SDK1: variants seen among roughly 807,000 people sequenced by gnomAD.
The protein encoded by SDK1 is protein sidekick-1.
SDK1 carries 157 observed loss-of-function variants against 245.5 expected under a neutral mutation model. The ratio of observed to expected loss-of-function variants is 0.64; its 90% CI spans 0.56 to 0.73. The LOEUF is 0.73. Ranked by LOEUF, SDK1 falls within the 30% of genes least tolerant of loss-of-function variation. SDK1 has a pLI of 0.00. For missense variants in SDK1, 3,583 were observed against 3,002.3 expected, an observed-to-expected ratio of 1.19 and a Z score of -4.52; for synonymous variants, 1,647 against 1,278.5, an observed-to-expected ratio of 1.29 and a Z score of -6.15.
At chr7:3,990,642 C>T (rs142618302) in intron 14 of SDK1, among the ~76,000 whole-genome samples, 5 of 152,312 alleles carry the variant, frequency 3.3e-5, no homozygotes, top group South Asian at 4.1e-4. Flanking sequence ...CAGGCGCTGT[C>T]GCCTCGGGCT....
intron 22 of SDK1, among the ~76,000 whole-genome samples, chr7:4,103,310 C>T (rs906251449): frequency 8.5e-5 from 13 of 152,172 alleles, no homozygotes; most frequent in Non-Finnish European, 1.6e-4. Context: ...CCCCACAGAG[C>T]TTTGATTTGT....
At chr7:3,855,529 A>G (rs1780523616) in intron 5 of SDK1, among the ~76,000 whole-genome samples, 2 of 152,210 alleles carry the variant, frequency 1.3e-5, no homozygotes, top group South Asian at 2.1e-4. Context: ...TTCTCCTAGG[A>G]TGTATCAACA....
intron 42 of SDK1, among the ~76,000 whole-genome samples, chr7:4,239,869 G>A (rs1187882519): frequency 1.3e-5 from 2 of 152,234 alleles, no homozygotes; most frequent in African/African-American, 2.4e-5. Context: ...AAGAGGAGCT[G>A]GCTACATTAG....
chr7:3,639,673 A>G (rs893643536), intron 3 of SDK1, among the ~76,000 whole-genome samples: 5 of 152,162 alleles, frequency 3.3e-5, no homozygotes, highest in Non-Finnish European at 7.3e-5. Flanking sequence ...TTAAATTTTC[A>G]TGTAGTCTTG....
chr7:3,443,153 T>A (rs1047258035), intron 1 of SDK1, among the ~76,000 whole-genome samples: 1 of 152,130 alleles, frequency 6.6e-6, no homozygotes, highest in African/African-American at 2.4e-5. Flanking sequence ...ATATTTTATG[T>A]TCTATATAGC....
chr7:4,263,477 C>T (rs555134581), intron 44 of SDK1, among the ~76,000 whole-genome samples: 41 of 140,802 alleles, frequency 2.9e-4, no homozygotes, highest in Middle Eastern at 4.5e-3. Flanking sequence ...TGAGGGAGTC[C>T]GCGTAGATCT....
At chr7:3,946,022 A>C (rs984129760) in intron 5 of SDK1, among the ~76,000 whole-genome samples, 1 of 151,474 alleles carries the variant, frequency 6.6e-6, no homozygotes, top group Non-Finnish European at 1.5e-5. Context: ...CAGAGTCCTA[A>C]AATCCAACCA....
At chr7:3,476,221 C>T (rs1450523415) in intron 1 of SDK1, among the ~76,000 whole-genome samples, 9 of 152,186 alleles carry the variant, frequency 5.9e-5, no homozygotes, top group Admixed American at 6.5e-5. Flanking sequence ...CTCTTCTGAT[C>T]TGCTTTCACC....
chr7:4,107,624 C>A (rs1308041515), intron 22 of SDK1, among the ~76,000 whole-genome samples: 2 of 152,174 alleles, frequency 1.3e-5, no homozygotes, highest in Non-Finnish European at 1.5e-5. Flanking sequence ...AACCATGCCA[C>A]AGGGCCAGCA....
chr7:3,772,778 A>T (rs1466381326), intron 4 of SDK1, among the ~76,000 whole-genome samples: 2 of 152,176 alleles, frequency 1.3e-5, no homozygotes, highest in African/African-American at 4.8e-5. Context: ...AAACTCCCTC[A>T]ACTTTTGTTT....
chr7:4,036,472 T>G (rs1788225992), intron 17 of SDK1, among the ~76,000 whole-genome samples: 2 of 152,226 alleles, frequency 1.3e-5, no homozygotes, highest in Non-Finnish European at 2.9e-5. Flanking sequence ...GCATAAACAC[T>G]GACTTCTTTA....
intron 1 of SDK1, among the ~76,000 whole-genome samples, chr7:3,608,318 T>C (rs1018557482): frequency 6.6e-6 from 1 of 152,222 alleles, no homozygotes; most frequent in African/African-American, 2.4e-5. Flanking sequence ...TTTGGGAGGT[T>C]GTCCGAGCTG....
chr7:3,459,512 C>G (rs754992262), intron 1 of SDK1, among the ~76,000 whole-genome samples: 1 of 152,156 alleles, frequency 6.6e-6, no homozygotes, highest in Admixed American at 6.6e-5. Context: ...AATTTTTGTT[C>G]TGTGCTTTTG....
chr7:3,933,184 C>T (rs545629169), intron 5 of SDK1, among the ~76,000 whole-genome samples: 1 of 134,972 alleles, frequency 7.4e-6, no homozygotes, highest in Admixed American at 8.1e-5. Flanking sequence ...GATCATAGCT[C>T]ACTACAGCCT....
At chr7:3,521,644 A>C (rs1296423462) in intron 1 of SDK1, among the ~76,000 whole-genome samples, 1 of 152,192 alleles carries the variant, frequency 6.6e-6, no homozygotes, top group Non-Finnish European at 1.5e-5. Context: ...TTCGCCCTTG[A>C]AGACTACTGT....
intron 19 of SDK1, among the ~76,000 whole-genome samples, chr7:4,063,703 A>C (rs921124115): frequency 6.6e-6 from 1 of 152,116 alleles, no homozygotes; most frequent in Non-Finnish European, 1.5e-5. Context: ...GAATCACACT[A>C]CCTATCTTTG....
At chr7:4,048,054 G>C (rs1463071355) in intron 17 of SDK1, among the ~76,000 whole-genome samples, 1 of 152,284 alleles carries the variant, frequency 6.6e-6, no homozygotes, top group East Asian at 1.9e-4. Context: ...AAGACTTGAG[G>C]GGCTTGGCCA....
intron 4 of SDK1, among the ~76,000 whole-genome samples, chr7:3,793,532 T>C (rs1379339605): frequency 6.6e-6 from 1 of 152,210 alleles, no homozygotes; most frequent in African/African-American, 2.4e-5. Flanking sequence ...TGCAAACTTT[T>C]AAGTGGACCC....
At chr7:3,896,767 T>TA (rs1343556695) in intron 5 of SDK1, among the ~76,000 whole-genome samples, 1 of 152,170 alleles carries the variant, frequency 6.6e-6, no homozygotes, top group Non-Finnish European at 1.5e-5. Context: ...TGATTCCTGT[T>TA]ACTGTATCAT....
Sources: allele counts gnomAD v4.1 joint callset (sites outside exome capture counted in the v4.1 genomes callset), GRCh38; gene constraint gnomAD v4.1.1; transcripts MANE v1.5; gene names NCBI Gene and HGNC (gene_info 2026-07-23, HGNC 2026-07-21).